Variants in TBC1D22B observed in about 807,000 individuals in gnomAD.
TBC1D22B encodes the protein chromosome 6 open reading frame 197.
In TBC1D22B, 32 loss-of-function variants were observed where a neutral mutation model predicts 69.1. The ratio of observed to expected loss-of-function variants is 0.46; its 90% CI spans 0.35 to 0.62. The LOEUF is 0.62. Ranked by LOEUF, TBC1D22B falls within the 20% of genes least tolerant of loss-of-function variation. The pLI, the probability that TBC1D22B is intolerant of heterozygous loss-of-function variation, is 0.00. For missense variants in TBC1D22B, 462 were observed against 630.9 expected (o/e 0.73, Z 2.87); for synonymous variants, 206 against 229.8 (o/e 0.90, Z 0.94).
chr6:37,273,841 T>A (rs1766580711), intron 2 of TBC1D22B, among the ~76,000 whole-genome samples: 1 of 152,226 alleles, frequency 6.6e-6, no homozygotes, highest in Non-Finnish European at 1.5e-5. Context: ...AGGACATTTT[T>A]ATGACTTTCT....
At chr6:37,293,163 C>T (rs1171283219) in intron 8 of TBC1D22B, among the ~76,000 whole-genome samples, 3 of 151,628 alleles carry the variant, frequency 2.0e-5, no homozygotes, top group South Asian at 2.1e-4. Context: ...CAGCAACCTC[C>T]GCTGCCCGGG....
At chr6:37,258,957 C>CT (rs11379139) in intron 1 of TBC1D22B, among the ~76,000 whole-genome samples, 129,296 of 145,172 alleles carry the variant, frequency 0.89, 57,532 homozygotes, top group Middle Eastern at 0.94. Context: ...GAACTCGTGA[C>CT]TTTTTTTTTT....
intron 2 of TBC1D22B, among the ~76,000 whole-genome samples, chr6:37,276,116 C>T (rs1766664127): frequency 6.6e-6 from 1 of 151,866 alleles, no homozygotes; most frequent in African/African-American, 2.4e-5. Context: ...AGGTGTGCAC[C>T]ACCACACCTG....
intron 2 of TBC1D22B, among the ~76,000 whole-genome samples, chr6:37,277,416 A>G (rs990563486): frequency 2.6e-5 from 4 of 151,350 alleles, no homozygotes; most frequent in Admixed American, 1.3e-4. Context: ...CAGAACGTGC[A>G]GCCTCAGTTT....
Position 37,291,263 on chromosome 6 carries a change from T to C in TBC1D22B, c.888T>C (p.Phe296=), listed in dbSNP as rs771053966. 11 of 1,613,628 alleles carry C rather than the reference T, an allele frequency of 6.8e-6. No homozygotes were observed. Among genetic ancestry groups the C allele is most frequent in the Admixed American group, 1.7e-5 (1 of 59,996 alleles). ...CCTAGATCTTTGAAAGAATTCTATT[T>C]ATTTGGGCCATCCGCCACCCTGCCA... ...LVQEIFERIL[F]IWAIRHPASG... is the part of the protein sequence containing the mutation. The change falls in exon 8 of 13, where the codon TTT becomes TTC. Residue 296 remains phenylalanine, a synonymous_variant. Coordinates refer to ENST00000373491, the MANE Select transcript of TBC1D22B (RefSeq NM_017772.4).
intron 10 of TBC1D22B, among the ~76,000 whole-genome samples, chr6:37,314,893 C>A (rs962144272): frequency 4.0e-5 from 6 of 150,478 alleles, no homozygotes; most frequent in Non-Finnish European, 1.5e-5. Context: ...TTTCAATCTT[C>A]TGAACCCATT....
intron 6 of TBC1D22B, among the ~76,000 whole-genome samples, chr6:37,285,247 C>T (rs1766965652): frequency 6.8e-6 from 1 of 146,016 alleles, no homozygotes; most frequent in African/African-American, 2.5e-5. Flanking sequence ...ATAGTGATGT[C>T]TTAGGTAACA....
chr6:37,284,034 T>G (rs1019664696), intron 5 of TBC1D22B, among the ~76,000 whole-genome samples: 28 of 152,172 alleles, frequency 1.8e-4, no homozygotes, highest in African/African-American at 6.5e-4. Context: ...CTGACCTACA[T>G]TCACTGCTGT....
chr6:37,328,709 T>C (rs1768498828), intron 12 of TBC1D22B, among the ~76,000 whole-genome samples: 1 of 152,156 alleles, frequency 6.6e-6, no homozygotes. Flanking sequence ...TTATGGGTAA[T>C]TTATTTTCTG....
chr6:37,261,132 G>C (rs1302174688), intron 1 of TBC1D22B, among the ~76,000 whole-genome samples: 1 of 152,086 alleles, frequency 6.6e-6, no homozygotes, highest in African/African-American at 2.4e-5. Context: ...GAAGATAAGA[G>C]GCAATCTCTA....
intron 12 of TBC1D22B, 30 bp downstream of exon 12, chr6:37,317,236 G>A (rs202245730): frequency 1.9e-6 from 3 of 1,547,466 alleles, no homozygotes; most frequent in Admixed American, 3.9e-5. Flanking sequence ...GTGTGGGCAG[G>A]GAATGAACAT....
At chr6:37,318,986 C>G (rs1768163041) in intron 12 of TBC1D22B, among the ~76,000 whole-genome samples, 1 of 152,184 alleles carries the variant, frequency 6.6e-6, no homozygotes, top group South Asian at 2.1e-4. Flanking sequence ...TAAGTTCTAA[C>G]TAATAACATA....
intron 8 of TBC1D22B, among the ~76,000 whole-genome samples, chr6:37,301,247 G>A (rs1459242019): frequency 2.0e-5 from 3 of 152,034 alleles, no homozygotes; most frequent in African/African-American, 7.2e-5. Flanking sequence ...AGCTTTATTG[G>A]GATGTACTTC....
At position 37,313,580 on chromosome 6, in the gene TBC1D22B, C is replaced by CGA. The variant is rs1767992122; in HGVS notation, c.1090-236_1090-235insGA. Reference sequence around the variant, plus strand: ...GCCTTGACTTCGTCTTTGGAGTAGACTGCTCCTTTCTGCTCTGTACCCCAA... The same window carrying CGA: ...GCCTTGACTTCGTCTTTGGAGTAGACGATGCTCCTTTCTGCTCTGTACCCCAA... On this transcript the variant is annotated intron_variant, in intron 9 of 12. Transcript: ENST00000373491. Among the ~76,000 whole-genome samples the CGA allele has an allele frequency of 9.2e-5, 14 of 152,208 alleles. No individual in the cohort carries two copies. The South Asian group carries it at 2.9e-3, about 32-fold the overall frequency.
chr6:37,292,068 TTTG>T (rs1212931823), intron 8 of TBC1D22B, among the ~76,000 whole-genome samples: 23 of 152,352 alleles, frequency 1.5e-4, no homozygotes, highest in African/African-American at 5.5e-4. Flanking sequence ...GGCCTGATGC[TTTG>T]TTTCCTTAGG....
At chr6:37,266,430 T>C (rs544348372) in intron 1 of TBC1D22B, among the ~76,000 whole-genome samples, 4 of 152,158 alleles carry the variant, frequency 2.6e-5, no homozygotes, top group Admixed American at 6.6e-5. Context: ...AATGTCTGAG[T>C]TTATTTCATG....
At chr6:37,261,592 G>T (rs938924965) in intron 1 of TBC1D22B, among the ~76,000 whole-genome samples, 9 of 152,050 alleles carry the variant, frequency 5.9e-5, no homozygotes, top group Non-Finnish European at 1.3e-4. Context: ...TGCTCCATGG[G>T]GCTGTTATGA....
intron 12 of TBC1D22B, chr6:37,324,528 A>G (rs1768338623): frequency 1.2e-5 from 4 of 345,786 alleles, no homozygotes; most frequent in South Asian, 8.8e-5. Context: ...GTGATACATT[A>G]GTAAACGAAG....
At chr6:37,329,201 A>C (rs1006739671) in intron 12 of TBC1D22B, among the ~76,000 whole-genome samples, 5 of 152,184 alleles carry the variant, frequency 3.3e-5, no homozygotes, top group African/African-American at 1.2e-4. Context: ...ACATATACAA[A>C]TATATTGTTG....
Sources: gnomAD v4.1 joint callset for allele counts (sites outside exome capture counted in the v4.1 genomes callset) on GRCh38, gnomAD v4.1.1 for gene constraint, MANE v1.5 for transcripts, NCBI Gene and HGNC (gene_info 2026-07-23, HGNC 2026-07-21) for gene names.